Variants in NXPE2 observed in about 807,000 individuals in gnomAD.
NXPE2 encodes the protein NXPE family member 2.
NXPE2 carries 34 observed loss-of-function variants against 34.4 expected under a neutral mutation model. The ratio of observed to expected loss-of-function variants is 0.99; its 90% CI spans 0.75 to 1.31. The LOEUF is 1.31. NXPE2 is among the 40% of genes most tolerant of loss of function. The pLI, the probability that NXPE2 is intolerant of heterozygous loss-of-function variation, is 0.00. For synonymous variants in NXPE2, 235 were observed against 231.3 expected (o/e 1.02, Z -0.15); for missense variants, 649 against 672.5 (o/e 0.97, Z 0.39).
chr11:114,577,333 T>G, the NXPE2 span, among the ~76,000 whole-genome samples: 1 of 151,692 alleles, frequency 6.6e-6, no homozygotes, highest in Non-Finnish European at 1.5e-5. Flanking sequence ...CTCACTCATA[T>G]GTGGGAACTA....
the NXPE2 span, chr11:114,584,632 A>G: frequency 1.3e-5 from 2 of 157,000 alleles, no homozygotes; most frequent in Non-Finnish European, 2.8e-5. Context: ...GTCACAGAAG[A>G]GGAGAAAAAT....
At chr11:114,750,980 G>T in the NXPE2 span, among the ~76,000 whole-genome samples, 1 of 152,050 alleles carries the variant, frequency 6.6e-6, no homozygotes, top group Admixed American at 6.5e-5. Flanking sequence ...TACTCTTGTT[G>T]TGGGGGTGGG....
the NXPE2 span, among the ~76,000 whole-genome samples, chr11:114,664,577 G>A: frequency 6.6e-6 from 1 of 152,114 alleles, no homozygotes; most frequent in African/African-American, 2.4e-5. Context: ...CAGAAGAAAA[G>A]GAGCTCCTTG....
the NXPE2 span, among the ~76,000 whole-genome samples, chr11:114,505,819 C>G: frequency 2.0e-5 from 3 of 152,116 alleles, no homozygotes; most frequent in Admixed American, 1.3e-4. Context: ...ATAAACAAGT[C>G]TGTGAAATAA....
chr11:114,613,715 G>T, the NXPE2 span, among the ~76,000 whole-genome samples: 2 of 148,194 alleles, frequency 1.3e-5, no homozygotes, highest in Admixed American at 6.7e-5. Flanking sequence ...TACCCAGCAG[G>T]TAATAAGTGT....
the NXPE2 span, among the ~76,000 whole-genome samples, chr11:114,600,549 A>G: frequency 6.6e-6 from 1 of 152,126 alleles, no homozygotes; most frequent in African/African-American, 2.4e-5. Context: ...AAATTGAGTG[A>G]CGTTCTACAA....
downstream of NXPE2, among the ~76,000 whole-genome samples, chr11:114,710,860 C>G (rs751255301): frequency 1.3e-5 from 2 of 151,806 alleles, no homozygotes; most frequent in Non-Finnish European, 2.9e-5. Flanking sequence ...ACTAGTAAAC[C>G]AAATTCAATA....
chr11:114,607,368 C>T, the NXPE2 span, among the ~76,000 whole-genome samples: 25 of 151,916 alleles, frequency 1.6e-4, no homozygotes, highest in South Asian at 4.2e-4. Flanking sequence ...CACTGTTATC[C>T]GGTGGATAAT....
intron 2 of NXPE2, among the ~76,000 whole-genome samples, chr11:114,692,701 CCTTA>C (rs1951176306): frequency 1.3e-5 from 2 of 152,236 alleles, no homozygotes; most frequent in Admixed American, 1.3e-4. Context: ...TAAATACTCT[CCTTA>C]CTTACTTCTG....
chr11:114,491,313 A>T, the NXPE2 span, among the ~76,000 whole-genome samples: 1 of 152,154 alleles, frequency 6.6e-6, no homozygotes, highest in East Asian at 1.9e-4. Flanking sequence ...AAACAAATTT[A>T]CAAGAAAAAA....
chr11:114,733,737 T>A, the NXPE2 span, among the ~76,000 whole-genome samples: 1 of 152,178 alleles, frequency 6.6e-6, no homozygotes, highest in African/African-American at 2.4e-5. Flanking sequence ...GCAATTAAAA[T>A]ATATTTCTTT....
the NXPE2 span, among the ~76,000 whole-genome samples, chr11:114,778,456 C>A: frequency 6.6e-6 from 1 of 152,168 alleles, no homozygotes; most frequent in Non-Finnish European, 1.5e-5. Flanking sequence ...TGGCTGAAGA[C>A]TAGGCTCCAG....
At chr11:114,475,524 A>G in the NXPE2 span, among the ~76,000 whole-genome samples, 88 of 152,276 alleles carry the variant, frequency 5.8e-4, no homozygotes, top group Non-Finnish European at 1.1e-3. Context: ...GGCATGAGCC[A>G]TCACACCTGG....
At chr11:114,580,933 A>G in the NXPE2 span, among the ~76,000 whole-genome samples, 1 of 152,150 alleles carries the variant, frequency 6.6e-6, no homozygotes, top group Non-Finnish European at 1.5e-5. Context: ...GGTAGCCACA[A>G]TGGTGAGGAG....
chr11:114,536,767 C>A, the NXPE2 span, among the ~76,000 whole-genome samples: 4 of 152,084 alleles, frequency 2.6e-5, no homozygotes, highest in Admixed American at 1.3e-4. Context: ...CAATAACAGG[C>A]TCTGAAATTG....
At chr11:114,707,083 C>G, downstream of NXPE2, 1 of 637,852 alleles carries the variant, frequency 1.6e-6, no homozygotes, top group Non-Finnish European at 2.6e-6. Context: ...ACCATTTAAG[C>G]CATTTTATTA....
chr11:114,729,950 T>C, the NXPE2 span, among the ~76,000 whole-genome samples: 1 of 152,180 alleles, frequency 6.6e-6, no homozygotes, highest in Non-Finnish European at 1.5e-5. Flanking sequence ...GTAATTGCTT[T>C]TGAGACTTAG....
the NXPE2 span, among the ~76,000 whole-genome samples, chr11:114,647,709 T>TA: frequency 0.012 from 1,783 of 151,404 alleles, 24 homozygotes; most frequent in African/African-American, 0.034. Context: ...TATTTTATTT[T>TA]TTTTTTTTTT....
chr11:114,705,761 C>G lies in NXPE2; in HGVS notation c.929-20C>G. The G allele has an allele frequency of 7.3e-7, 1 of 1,365,146 alleles. No homozygotes were observed. Among genetic ancestry groups the G allele is most frequent in the African/African-American group, 1.5e-5 (1 of 65,898 alleles). The allele number at this position is 1,365,146 out of a possible 1,614,324, so 84.6% of individuals were successfully genotyped here. Reference sequence around the variant, plus strand: ...TTTGTGGTAATAAAAATTACTTAATCTGGAAATTTGTATTGCCAGAGAGCG... The same window carrying G: ...TTTGTGGTAATAAAAATTACTTAATGTGGAAATTTGTATTGCCAGAGAGCG... On this transcript the variant is annotated intron_variant, in intron 4 of 5. Transcript: ENST00000389586.
Sources: gnomAD v4.1 joint callset for allele counts (sites outside exome capture counted in the v4.1 genomes callset) on GRCh38, gnomAD v4.1.1 for gene constraint, MANE v1.5 for transcripts, NCBI Gene and HGNC (gene_info 2026-07-23, HGNC 2026-07-21) for gene names.